The following CNOT10 variants were observed in gnomAD, a reference collection of about 807,000 sequenced individuals.
CNOT10 encodes the protein CCR4-NOT transcription complex, subunit 10.
CNOT10 carries 30 observed loss-of-function variants against 94.6 expected under a neutral mutation model. That is an observed-to-expected ratio of 0.32 (90% CI 0.24 to 0.43). CNOT10 has a LOEUF of 0.43. Among genes scored for constraint, CNOT10 ranks in the 20% least tolerant of loss-of-function variants. CNOT10 has a pLI of 1.00. For synonymous variants in CNOT10, 289 were observed against 301.6 expected (o/e 0.96, Z 0.43); for missense variants, 759 against 877.2 (o/e 0.87, Z 1.70).
At chr3:32,737,787 G>A (rs1426481871) in intron 13 of CNOT10, among the ~76,000 whole-genome samples, 3 of 151,746 alleles carry the variant, frequency 2.0e-5, no homozygotes, top group Non-Finnish European at 2.9e-5. Context: ...CTGCACTCTA[G>A]CCTGAGCAAC....
intron 3 of CNOT10, among the ~76,000 whole-genome samples, chr3:32,705,584 A>T (rs1697584153): frequency 6.6e-6 from 1 of 152,190 alleles, no homozygotes; most frequent in Non-Finnish European, 1.5e-5. Context: ...CCTATGAAAT[A>T]GCTATATAAT....
rs567142009 is a variant in CNOT10, at chr3:32,706,990, G to A, written c.280-1680G>A. Among the ~76,000 whole-genome samples, 125 of 152,324 alleles carry A rather than the reference G, an allele frequency of 8.2e-4. 1 individual carries two copies. The highest frequency in any genetic ancestry group is 2.9e-3 in the African/African-American group (119 of 41,568). ...CAAAATTTACAATTCATTGTGTGTAGTGAACCTTCAGGTTCCTTGCCATTA... is the reference window on the plus strand; with the variant it reads ...CAAAATTTACAATTCATTGTGTGTAATGAACCTTCAGGTTCCTTGCCATTA... On this transcript the variant is annotated intron_variant, in intron 3 of 18. Transcript: ENST00000328834.
Position 32,727,979 on chromosome 3 carries a change from T to TTTTATTTA in CNOT10, c.1215+133_1215+140dup, listed in dbSNP as rs150924656. On this transcript the variant is annotated intron_variant, in intron 10 of 18. Coordinates refer to ENST00000328834, the MANE Select transcript of CNOT10 (RefSeq NM_015442.3). ...GGAAACATACATAAGACATTTCTCT[T>TTTTATTTA]TTTATTTATTTATTTATTTATTTAT... The TTTTATTTA allele has an allele frequency of 3.0e-3, 1,695 of 570,328 alleles. 32 individuals are homozygous for TTTTATTTA. The African/African-American group carries it at 0.031, about 10-fold the overall frequency. The allele number at this position is 570,328 out of a possible 1,614,324, so 35.3% of individuals were successfully genotyped here.
intron 13 of CNOT10, among the ~76,000 whole-genome samples, chr3:32,746,750 TGGTG>T (rs1699716512): frequency 6.8e-6 from 1 of 146,042 alleles, no homozygotes; most frequent in African/African-American, 2.6e-5. Flanking sequence ...GGCAGGAGAA[TGGTG>T]TGTACCCAGG....
intron 13 of CNOT10, among the ~76,000 whole-genome samples, chr3:32,758,125 C>G (rs1464829913): frequency 6.6e-6 from 1 of 152,152 alleles, no homozygotes; most frequent in Non-Finnish European, 1.5e-5. Flanking sequence ...TGGGAGTCTA[C>G]AATGTCAAAT....
intron 1 of CNOT10, among the ~76,000 whole-genome samples, chr3:32,700,053 G>GCAA (rs1697264591): frequency 6.8e-6 from 1 of 146,068 alleles, no homozygotes; most frequent in African/African-American, 2.6e-5. Context: ...TCGGCTCACT[G>GCAA]CAACCTCTGC....
At chr3:32,746,639 A>C (rs892139725) in intron 13 of CNOT10, among the ~76,000 whole-genome samples, 2 of 152,076 alleles carry the variant, frequency 1.3e-5, no homozygotes, top group Non-Finnish European at 2.9e-5. Context: ...GATTGAGACC[A>C]TCCTGGCTAA....
intron 9 of CNOT10, among the ~76,000 whole-genome samples, chr3:32,726,171 C>T (rs973984425): frequency 6.6e-6 from 1 of 152,104 alleles, no homozygotes; most frequent in African/African-American, 2.4e-5. Context: ...TCTGGAACTC[C>T]TGGCTTAAGT....
intron 3 of CNOT10, among the ~76,000 whole-genome samples, chr3:32,706,360 T>A (rs1697623152): frequency 6.6e-6 from 1 of 152,188 alleles, no homozygotes; most frequent in African/African-American, 2.4e-5. Context: ...CCTGCAAACT[T>A]CCAGTTAGGC....
Position 32,685,403 on chromosome 3 carries a change from G to A in CNOT10, c.-58G>A. 2 of 1,547,000 alleles carry A rather than the reference G, an allele frequency of 1.3e-6. No homozygotes were observed. Among genetic ancestry groups the A allele is most frequent in the Non-Finnish European group, 1.7e-6 (2 of 1,144,088 alleles). On this transcript the variant is annotated 5_prime_UTR_variant, in exon 1 of 19. Coordinates refer to ENST00000328834, the MANE Select transcript of CNOT10 (RefSeq NM_015442.3). ...GGAGGTCCAGGACAGCGGCCAGCCC[G>A]GCGGCGGGAGTCAGGGCCACGCCAC...
At chr3:32,703,466 C>T (rs7432448) in intron 1 of CNOT10, among the ~76,000 whole-genome samples, 62,285 of 151,912 alleles carry the variant, frequency 0.41, 15,216 homozygotes, top group Non-Finnish European at 0.53. Context: ...AGATTAACAA[C>T]AACAGTAATA....
rs757111576 is a variant in CNOT10 at position 32,733,482 on chromosome 3, T to A, written c.1275T>A (p.Val425=). 6 of 1,604,292 alleles carry A rather than the reference T, an allele frequency of 3.7e-6. No individual in the cohort carries two copies. In the South Asian group the frequency reaches 6.6e-5, roughly 18 times the overall value. ...PSKKGIVQSI[V]GQGYHRKIVL... The stretch of plus-strand genomic sequence containing the variant: ...AAAAAGGAATTGTACAGTCTATTGT[T>A]GGTCAAGGCTATCATCGTAAAATAG... Residue 425 remains valine (V), a synonymous_variant, in exon 11 of 19, where the codon GTT becomes GTA. Coordinates refer to ENST00000328834, the MANE Select transcript of CNOT10 (RefSeq NM_015442.3).
intron 7 of CNOT10, among the ~76,000 whole-genome samples, chr3:32,719,756 G>A (rs1466453933): frequency 6.6e-6 from 1 of 152,120 alleles, no homozygotes; most frequent in Non-Finnish European, 1.5e-5. Context: ...AAGATCACCA[G>A]TCTCTCTAAT....
chr3:32,758,354 C>T (rs1246100643), intron 13 of CNOT10, among the ~76,000 whole-genome samples: 2 of 152,080 alleles, frequency 1.3e-5, no homozygotes, highest in African/African-American at 2.4e-5. Context: ...ATTCTAGGAA[C>T]CAAATTCTAG....
chr3:32,728,858 T>C (rs1698803508), intron 10 of CNOT10, among the ~76,000 whole-genome samples: 1 of 152,014 alleles, frequency 6.6e-6, no homozygotes, highest in South Asian at 2.1e-4. Flanking sequence ...CCCAGCACTT[T>C]GGGAGGCCGA....
chr3:32,721,454 T>TTTA (rs1553632721), intron 8 of CNOT10, among the ~76,000 whole-genome samples: 1 of 144,614 alleles, frequency 6.9e-6, no homozygotes, highest in Non-Finnish European at 1.5e-5. Context: ...TTTTTTTTTT[T>TTTA]AGTGAATTAC....
At chr3:32,714,592 C>G (rs1456852283) in intron 5 of CNOT10, among the ~76,000 whole-genome samples, 1 of 152,044 alleles carries the variant, frequency 6.6e-6, no homozygotes, top group African/African-American at 2.4e-5. Context: ...AACTGTAATT[C>G]CAACTACTCA....
intron 10 of CNOT10, among the ~76,000 whole-genome samples, chr3:32,728,377 T>A (rs1278561756): frequency 1.3e-5 from 2 of 151,980 alleles, no homozygotes; most frequent in East Asian, 3.9e-4. Flanking sequence ...TCCAAGCACT[T>A]TAGGAGGCTG....
intron 17 of CNOT10, among the ~76,000 whole-genome samples, chr3:32,768,218 T>G (rs1700732229): frequency 6.6e-6 from 1 of 152,130 alleles, no homozygotes; most frequent in African/African-American, 2.4e-5. Context: ...AGCTTCAGAC[T>G]GTGGTCATTG....
Sources: gnomAD v4.1 joint callset for allele counts (sites outside exome capture counted in the v4.1 genomes callset) on GRCh38, gnomAD v4.1.1 for gene constraint, MANE v1.5 for transcripts, NCBI Gene and HGNC (gene_info 2026-07-23, HGNC 2026-07-21) for gene names.